Variants in CACNB4 observed in about 807,000 individuals in gnomAD.
CACNB4 encodes the protein voltage-dependent L-type calcium channel subunit beta-4.
CACNB4 carries 32 observed loss-of-function variants against 71.2 expected under a neutral mutation model. That is an observed-to-expected ratio of 0.45 (90% confidence interval 0.34 to 0.60). CACNB4 has a LOEUF of 0.60. Among genes scored for constraint, CACNB4 ranks in the 20% least tolerant of loss-of-function variants. CACNB4 has a pLI of 0.01. For missense variants in CACNB4, 464 were observed against 647.9 expected, an observed-to-expected ratio of 0.72 and a Z score of 3.08; for synonymous variants, 231 against 236.9, an observed-to-expected ratio of 0.97 and a Z score of 0.23.
chr2:152,049,888 C>CT (rs547045178), intron 2 of CACNB4, among the ~76,000 whole-genome samples: 2 of 152,232 alleles, frequency 1.3e-5, no homozygotes, highest in Non-Finnish European at 2.9e-5. Flanking sequence ...TGACTGGTGA[C>CT]TGTCATTAAC....
At chr2:151,923,144 AAAT>A (rs2099859377) in intron 2 of CACNB4, among the ~76,000 whole-genome samples, 2 of 152,230 alleles carry the variant, frequency 1.3e-5, no homozygotes, top group African/African-American at 4.8e-5. Context: ...TTATTTTAAG[AAAT>A]AATAACAACT....
At chr2:152,051,182 T>C (rs189231290) in intron 2 of CACNB4, among the ~76,000 whole-genome samples, 2 of 151,896 alleles carry the variant, frequency 1.3e-5, no homozygotes, top group Admixed American at 1.3e-4. Flanking sequence ...CCCAGGGAGG[T>C]CCTTTTCCTT....
At chr2:152,017,774 G>C (rs924378290) in intron 2 of CACNB4, among the ~76,000 whole-genome samples, 2 of 151,624 alleles carry the variant, frequency 1.3e-5, no homozygotes, top group Admixed American at 1.3e-4. Context: ...CTCATATACT[G>C]TATTCCTTAG....
At chr2:151,968,648 C>T (rs958105012) in intron 2 of CACNB4, 5 of 152,184 alleles carry the variant, frequency 3.3e-5, no homozygotes, top group Non-Finnish European at 5.9e-5. Flanking sequence ...CCCACCTTCA[C>T]CCTAAAATAA....
At chr2:151,919,032 C>G (rs2099858250) in intron 2 of CACNB4, among the ~76,000 whole-genome samples, 1 of 152,168 alleles carries the variant, frequency 6.6e-6, no homozygotes, top group African/African-American at 2.4e-5. Flanking sequence ...TCGCCTAGAG[C>G]CAACCACAGG....
intron 2 of CACNB4, among the ~76,000 whole-genome samples, chr2:151,941,965 C>G (rs1462653647): frequency 6.6e-6 from 1 of 152,096 alleles, no homozygotes; most frequent in Non-Finnish European, 1.5e-5. Flanking sequence ...CAAAGTAACC[C>G]TAACATGGAG....
At chr2:151,976,516 G>A (rs772627615) in intron 2 of CACNB4, among the ~76,000 whole-genome samples, 4 of 152,044 alleles carry the variant, frequency 2.6e-5, no homozygotes, top group Admixed American at 6.6e-5. Flanking sequence ...AAGTCATTTT[G>A]TTCACCCACA....
intron 2 of CACNB4, chr2:151,971,975 C>T (rs1044155010): frequency 4.1e-5 from 8 of 197,526 alleles, no homozygotes; most frequent in African/African-American, 2.3e-5. Context: ...TAGCACTACC[C>T]GCCATCAACT....
intron 2 of CACNB4, among the ~76,000 whole-genome samples, chr2:152,040,176 T>C (rs1035850754): frequency 4.6e-5 from 7 of 152,174 alleles, no homozygotes; most frequent in African/African-American, 1.7e-4. Context: ...GTCTAACCCA[T>C]ATACTAGTTA....
intron 2 of CACNB4, among the ~76,000 whole-genome samples, chr2:151,910,681 T>C (rs1018929877): frequency 1.3e-5 from 2 of 152,250 alleles, no homozygotes; most frequent in Admixed American, 6.5e-5. Context: ...ACCAGTACCA[T>C]GCTGTTTTGG....
intron 2 of CACNB4, chr2:151,973,981 G>A (rs2099873296): frequency 8.4e-7 from 1 of 1,194,502 alleles, no homozygotes; most frequent in Non-Finnish European, 1.0e-6. Flanking sequence ...TGGTGACTGA[G>A]CTAGGAAAGC....
chr2:151,841,760 A>G (rs2099836283), intron 13 of CACNB4, 143 bp downstream of exon 13: 1 of 661,768 alleles, frequency 1.5e-6, no homozygotes, highest in Admixed American at 3.0e-5. Flanking sequence ...TCATAATTAG[A>G]TAATATTTAA....
intron 2 of CACNB4, among the ~76,000 whole-genome samples, chr2:151,986,651 T>C (rs929224742): frequency 6.6e-6 from 1 of 152,196 alleles, no homozygotes; most frequent in African/African-American, 2.4e-5. Context: ...CTAGGTTAGT[T>C]AACATTCTAA....
intron 2 of CACNB4, among the ~76,000 whole-genome samples, chr2:151,920,318 CT>C (rs10574154): frequency 0.033 from 2,151 of 66,098 alleles, 46 homozygotes; most frequent in Non-Finnish European, 0.045. Context: ...TCTTCTTCTT[CT>C]TTTTTTTTTT....
chr2:151,887,190 T>A (rs974423528), intron 2 of CACNB4, among the ~76,000 whole-genome samples: 5 of 151,860 alleles, frequency 3.3e-5, no homozygotes, highest in Non-Finnish European at 2.9e-5. Flanking sequence ...GGAAGCCCCA[T>A]GAGCTTATAA....
At chr2:151,966,280 T>C (rs530718798) in intron 2 of CACNB4, among the ~76,000 whole-genome samples, 23 of 152,208 alleles carry the variant, frequency 1.5e-4, no homozygotes, top group African/African-American at 5.5e-4. Context: ...TCTTTTTCTT[T>C]TATTTATTTA....
At chr2:151,859,739 C>T (rs530112374) in intron 10 of CACNB4, 1 of 152,314 alleles carries the variant, frequency 6.6e-6, no homozygotes, top group East Asian at 1.9e-4. Flanking sequence ...AAGCAACCAT[C>T]CCACATTTAT....
At chr2:151,874,465 G>GAAA (rs539399524) in intron 5 of CACNB4, among the ~76,000 whole-genome samples, 2 of 78,708 alleles carry the variant, frequency 2.5e-5, no homozygotes, top group Non-Finnish European at 2.8e-5. Context: ...GAGACTCTAA[G>GAAA]AAAAAAAAAA....
intron 10 of CACNB4, chr2:151,859,042 T>A (rs1234940984): frequency 6.6e-6 from 1 of 152,226 alleles, no homozygotes; most frequent in East Asian, 1.9e-4. Flanking sequence ...ACATAACAAG[T>A]GTTCAATAAA....
Sources: allele counts gnomAD v4.1 joint callset (sites outside exome capture counted in the v4.1 genomes callset), GRCh38; gene constraint gnomAD v4.1.1; transcripts MANE v1.5; gene names NCBI Gene and HGNC (gene_info 2026-07-23, HGNC 2026-07-21).